The following IMMP2L variants were observed in gnomAD, a reference collection of about 807,000 sequenced individuals.
The protein encoded by IMMP2L is mitochondrial inner membrane protease subunit 2.
In IMMP2L, 18 loss-of-function variants were observed where a neutral mutation model predicts 19.3. The ratio of observed to expected loss-of-function variants is 0.93; its 90% CI spans 0.64 to 1.38. IMMP2L has a LOEUF of 1.38. Ranked by LOEUF, IMMP2L falls within the 40% of genes most tolerant of loss-of-function variation. The pLI is 0.00. For missense variants in IMMP2L, 233 were observed against 218.2 expected (o/e 1.07, Z -0.43); for synonymous variants, 76 against 73.0 (o/e 1.04, Z -0.21).
At chr7:110,991,375 C>G (rs1009289040) in intron 3 of IMMP2L, among the ~76,000 whole-genome samples, 1 of 152,108 alleles carries the variant, frequency 6.6e-6, no homozygotes, top group Non-Finnish European at 1.5e-5. Context: ...TTCCACCATT[C>G]ATAAAATAAT....
At chr7:111,044,280 C>T (rs914436470) in intron 3 of IMMP2L, among the ~76,000 whole-genome samples, 5 of 152,216 alleles carry the variant, frequency 3.3e-5, no homozygotes, top group Admixed American at 2.6e-4. Flanking sequence ...ACATACTGGG[C>T]TGAGCATGGT....
At chr7:111,291,459 C>T (rs1821098196) in intron 3 of IMMP2L, among the ~76,000 whole-genome samples, 1 of 152,170 alleles carries the variant, frequency 6.6e-6, no homozygotes. Flanking sequence ...TGTACTTTTA[C>T]AGAGCTTAGA....
intron 3 of IMMP2L, among the ~76,000 whole-genome samples, chr7:111,379,875 AAC>A (rs1288875465): frequency 2.0e-5 from 3 of 152,018 alleles, no homozygotes; most frequent in East Asian, 3.9e-4. Context: ...TAACATTAAT[AAC>A]AGATTTCATA....
intron 3 of IMMP2L, among the ~76,000 whole-genome samples, chr7:111,204,905 C>A (rs1238766791): frequency 6.6e-6 from 1 of 152,116 alleles, no homozygotes; most frequent in Non-Finnish European, 1.5e-5. Flanking sequence ...AGAATGAATT[C>A]TTTTTCATCA....
intron 2 of IMMP2L, among the ~76,000 whole-genome samples, chr7:111,502,052 A>T (rs1252462173): frequency 6.6e-6 from 1 of 152,172 alleles, no homozygotes; most frequent in Non-Finnish European, 1.5e-5. Flanking sequence ...GTCATACATC[A>T]GTGTGCTGTA....
At chr7:110,737,488 C>A (rs553256950) in intron 5 of IMMP2L, among the ~76,000 whole-genome samples, 13 of 152,110 alleles carry the variant, frequency 8.5e-5, no homozygotes, top group Non-Finnish European at 1.9e-4. Flanking sequence ...GGGAACCATA[C>A]CCCCATCTGC....
chr7:111,234,364 C>T (rs1365556260), intron 3 of IMMP2L, among the ~76,000 whole-genome samples: 1 of 152,032 alleles, frequency 6.6e-6, no homozygotes. Context: ...TTTCTGTCTA[C>T]TCTGTCCATC....
chr7:111,277,566 T>TAA (rs34068307), intron 3 of IMMP2L, among the ~76,000 whole-genome samples: 2 of 136,462 alleles, frequency 1.5e-5, no homozygotes, highest in Admixed American at 7.3e-5. Context: ...TTGTCTCATT[T>TAA]AAAAAAAAAA....
At chr7:111,093,618 G>A (rs937960119) in intron 3 of IMMP2L, among the ~76,000 whole-genome samples, 1 of 152,118 alleles carries the variant, frequency 6.6e-6, no homozygotes, top group African/African-American at 2.4e-5. Flanking sequence ...TTTAACCTTA[G>A]TAAAGCTCAC....
At chr7:110,845,799 T>C (rs1158152580) in intron 5 of IMMP2L, among the ~76,000 whole-genome samples, 1 of 145,646 alleles carries the variant, frequency 6.9e-6, no homozygotes, top group African/African-American at 2.8e-5. Flanking sequence ...ATGAGGTATT[T>C]AGGAGGTAAT....
Position 110,760,530 on chromosome 7 carries a change from A to G in IMMP2L, c.409-96809T>C, listed in dbSNP as rs976068969. Among the ~76,000 whole-genome samples, 2 of 152,102 alleles carry G rather than the reference A, an allele frequency of 1.3e-5. No individual in the cohort carries two copies. Among genetic ancestry groups the G allele is most frequent in the Non-Finnish European group, 2.9e-5 (2 of 68,016 alleles). ...TTACTCACTGCTTTCAGCTTATATA[A>G]AAGAGTTTTTGTTGTCCCCAACTCC... On this transcript the variant is annotated intron_variant, in intron 5 of 5. Coordinates refer to ENST00000405709, the MANE Select transcript of IMMP2L (RefSeq NM_032549.4). This position sits in a 1 kb window ranked among gnomAD's most constrained non-coding sequence, Gnocchi z 4.2.
rs57808937 is a variant in IMMP2L at position 111,509,815 on chromosome 7, GA to G, written c.135+11497del. ...CACCAGAAACACCCTCAAAGTCTAA[GA>G]AAAAAAAAATTTTAATGATCATAAT... On this transcript the variant is annotated intron_variant, in intron 2 of 5. Coordinates refer to ENST00000405709, the MANE Select transcript of IMMP2L (RefSeq NM_032549.4). Among the ~76,000 whole-genome samples the G allele has an allele frequency of 3.3e-3, 488 of 149,716 alleles. 3 individuals carry two copies. Among genetic ancestry groups the G allele is most frequent in the African/African-American group, 0.011 (466 of 40,868 alleles).
chr7:111,367,943 T>C (rs1010593030), intron 3 of IMMP2L, among the ~76,000 whole-genome samples: 1 of 151,860 alleles, frequency 6.6e-6, no homozygotes, highest in African/African-American at 2.4e-5. Context: ...AAGACTATCT[T>C]AGATTTGAAT....
intron 3 of IMMP2L, among the ~76,000 whole-genome samples, chr7:111,370,345 T>C (rs997569886): frequency 3.9e-5 from 6 of 151,996 alleles, no homozygotes; most frequent in Non-Finnish European, 7.4e-5. Flanking sequence ...GAAATTCCTA[T>C]TGATATTGAA....
intron 4 of IMMP2L, among the ~76,000 whole-genome samples, chr7:110,899,814 C>G (rs1187894159): frequency 6.6e-6 from 1 of 152,154 alleles, no homozygotes; most frequent in Non-Finnish European, 1.5e-5. Context: ...ACATAAAGCT[C>G]ACATAAAATG....
At chr7:110,980,029 T>C (rs1775482904) in intron 3 of IMMP2L, among the ~76,000 whole-genome samples, 2 of 152,138 alleles carry the variant, frequency 1.3e-5, no homozygotes, top group Admixed American at 6.5e-5. Flanking sequence ...TTTTATAACA[T>C]GACTTCAGAC....
chr7:111,451,717 A>G (rs1839211546), intron 3 of IMMP2L, among the ~76,000 whole-genome samples: 1 of 151,788 alleles, frequency 6.6e-6, no homozygotes, highest in Admixed American at 6.6e-5. Flanking sequence ...TATAATTAAA[A>G]AAAAAAAAAA....
chr7:111,303,912 C>T (rs1209098766), intron 3 of IMMP2L, among the ~76,000 whole-genome samples: 3 of 151,936 alleles, frequency 2.0e-5, no homozygotes, highest in Non-Finnish European at 4.4e-5. Context: ...ACCTCCCAAA[C>T]GAACTTTACT....
intron 5 of IMMP2L, among the ~76,000 whole-genome samples, chr7:110,730,951 C>G (rs1312430677): frequency 6.6e-6 from 1 of 152,148 alleles, no homozygotes; most frequent in Non-Finnish European, 1.5e-5. Context: ...AGTTCTGTCC[C>G]TCCAGAGAAC....
Sources: allele counts gnomAD v4.1 joint callset (sites outside exome capture counted in the v4.1 genomes callset), GRCh38; gene constraint gnomAD v4.1.1; non-coding constraint Gnocchi (gnomAD v3.1); transcripts MANE v1.5; gene names NCBI Gene and HGNC (gene_info 2026-07-23, HGNC 2026-07-21).